The following DEPTOR variants were observed in gnomAD, a reference collection of about 807,000 sequenced individuals.
DEPTOR encodes the protein DEP domain-containing mTOR-interacting protein.
DEPTOR carries 41 observed loss-of-function variants against 41.6 expected under a neutral mutation model. That is an observed-to-expected ratio of 0.98 (90% confidence interval 0.77 to 1.28). The LOEUF is 1.28. Ranked by LOEUF, DEPTOR falls within the 50% of genes most tolerant of loss-of-function variation. The probability of loss-of-function intolerance (pLI) is 0.00; values close to 1 mark genes in which losing one functional copy is unlikely to be tolerated. For missense variants in DEPTOR, 514 were observed against 527.9 expected (o/e 0.97, Z 0.26); for synonymous variants, 195 against 192.3 (o/e 1.01, Z -0.12).
chr8:119,984,166 T>C (rs945157191), intron 4 of DEPTOR, among the ~76,000 whole-genome samples: 2 of 152,142 alleles, frequency 1.3e-5, no homozygotes, highest in Admixed American at 1.3e-4. Flanking sequence ...TGGAAAGATA[T>C]CCTTTTGGCC....
intron 3 of DEPTOR, among the ~76,000 whole-genome samples, chr8:119,935,785 A>G (rs1009974627): frequency 6.6e-6 from 1 of 152,054 alleles, no homozygotes; most frequent in Non-Finnish European, 1.5e-5. Context: ...AGTCCTCTGT[A>G]TAGTAACAAA....
chr8:119,923,585 C>T (rs1255608590), intron 1 of DEPTOR, among the ~76,000 whole-genome samples: 1 of 152,066 alleles, frequency 6.6e-6, no homozygotes, highest in African/African-American at 2.4e-5. Context: ...AGTATTTTTT[C>T]AATAAGAATT....
intron 4 of DEPTOR, among the ~76,000 whole-genome samples, chr8:119,973,100 C>T (rs1442461943): frequency 5.9e-5 from 9 of 151,910 alleles, no homozygotes; most frequent in African/African-American, 9.7e-5. Flanking sequence ...CCACCACACC[C>T]GGCTAATTTT....
chr8:119,910,791 G>C (rs1038309032), intron 1 of DEPTOR, among the ~76,000 whole-genome samples: 2 of 152,238 alleles, frequency 1.3e-5, no homozygotes, highest in African/African-American at 4.8e-5. Flanking sequence ...ATAAATCACA[G>C]TACCAAGTGT....
intron 8 of DEPTOR, among the ~76,000 whole-genome samples, chr8:120,048,338 G>A (rs1478872689): frequency 1.3e-5 from 2 of 152,222 alleles, no homozygotes; most frequent in Non-Finnish European, 2.9e-5. Context: ...AGCCCAGGCT[G>A]ATGCCTGCTA....
At chr8:120,041,162 T>C (rs2130198380) in intron 8 of DEPTOR, among the ~76,000 whole-genome samples, 1 of 152,300 alleles carries the variant, frequency 6.6e-6, no homozygotes, top group East Asian at 1.9e-4. Flanking sequence ...GGATGCAAAT[T>C]TCTTGGTGAA....
At chr8:119,931,873 A>G (rs1464643167) in intron 3 of DEPTOR, among the ~76,000 whole-genome samples, 1 of 151,928 alleles carries the variant, frequency 6.6e-6, no homozygotes, top group Non-Finnish European at 1.5e-5. Flanking sequence ...CAATGATTCT[A>G]TGTTGGCCAA....
intron 4 of DEPTOR, among the ~76,000 whole-genome samples, chr8:119,975,201 A>T (rs985132614): frequency 2.6e-4 from 39 of 152,120 alleles, no homozygotes; most frequent in African/African-American, 9.2e-4. Flanking sequence ...TACATTTTTG[A>T]AAGGACAACT....
Position 120,048,527 on chromosome 8 carries a change from A to G in DEPTOR, c.1102-1049A>G, listed in dbSNP as rs533015456. Among the ~76,000 whole-genome samples the G allele has an allele frequency of 5.3e-5, 8 of 152,304 alleles. No homozygotes were observed. The South Asian group carries it at 1.7e-3, about 32-fold the overall frequency. On this transcript the variant is annotated intron_variant, in intron 8 of 8. Coordinates refer to ENST00000286234, the MANE Select transcript of DEPTOR (RefSeq NM_022783.4). Reference sequence around the variant, plus strand: ...CAAATTTGTGGAACCAAGAAAAGAGAAACAGTAATAGTGTGATCTTATGTG... The same window carrying G: ...CAAATTTGTGGAACCAAGAAAAGAGGAACAGTAATAGTGTGATCTTATGTG...
At chr8:119,973,928 G>A (rs138146155) in intron 4 of DEPTOR, among the ~76,000 whole-genome samples, 9 of 152,252 alleles carry the variant, frequency 5.9e-5, no homozygotes, top group African/African-American at 1.2e-4. Context: ...CATTTGCTCT[G>A]CTGGCCATGA....
At chr8:119,995,597 A>C (rs1812248367) in intron 4 of DEPTOR, among the ~76,000 whole-genome samples, 1 of 152,030 alleles carries the variant, frequency 6.6e-6, no homozygotes, top group Admixed American at 6.6e-5. Flanking sequence ...TCAAAAAAAA[A>C]AAAAAGAAAA....
At chr8:119,901,931 CT>C (rs372711325) in intron 1 of DEPTOR, among the ~76,000 whole-genome samples, 36 of 151,034 alleles carry the variant, frequency 2.4e-4, no homozygotes, top group African/African-American at 7.8e-4. Context: ...CCTTTTTAAA[CT>C]TTTTTTTTCA....
chr8:119,928,701 A>C (rs994291619), intron 2 of DEPTOR, 123 bp downstream of exon 2: 3 of 813,630 alleles, frequency 3.7e-6, no homozygotes, highest in Non-Finnish European at 5.1e-6. Context: ...CCTCTCCCTG[A>C]TTGCATTTTC....
rs550801796 is a variant in DEPTOR, at chr8:119,934,558, A to G, written c.425+4620A>G. 2.0e-5 allele frequency among the ~76,000 whole-genome samples: 3 copies of G among 152,290 alleles called. No individual in the cohort carries two copies. The South Asian group carries it at 6.2e-4, about 32-fold the overall frequency. On this transcript the variant is annotated intron_variant, in intron 3 of 8. Transcript: ENST00000286234. ...GTGATCTGCAGTCTACCGTGGAGAT[A>G]AGGCTGGGACCCACTGCTGGAAAAG... is the stretch of plus-strand genomic sequence containing the variant.
chr8:119,882,071 A>G (rs1037014364), intron 1 of DEPTOR, among the ~76,000 whole-genome samples: 3 of 151,994 alleles, frequency 2.0e-5, no homozygotes, highest in Non-Finnish European at 2.9e-5. Flanking sequence ...TTTAATTTTT[A>G]GTAGAGATGA....
chr8:120,000,936 G>A (rs528940654), intron 4 of DEPTOR, among the ~76,000 whole-genome samples: 6 of 152,010 alleles, frequency 3.9e-5, no homozygotes, highest in African/African-American at 1.2e-4. Flanking sequence ...AATTAGCCAG[G>A]TGTGGTGGTG....
In DEPTOR at chr8:120,025,034, A is replaced by T. The variant is rs554582829; in HGVS notation, c.1101+15901A>T. 7.9e-5 allele frequency among the ~76,000 whole-genome samples: 12 copies of T among 152,302 alleles called. No individual in the cohort carries two copies. The South Asian group carries it at 1.0e-3, about 13-fold the overall frequency. ...TAGTACACTGTGGCAGGTACTGAGG[A>T]TCCAGTTGTGAGCAAAGCCAGTGAG... On this transcript the variant is annotated intron_variant, in intron 8 of 8. Transcript: ENST00000286234.
chr8:119,893,273 C>T (rs962288296), intron 1 of DEPTOR, among the ~76,000 whole-genome samples: 5 of 152,288 alleles, frequency 3.3e-5, no homozygotes, highest in African/African-American at 1.2e-4. Flanking sequence ...TCTTCCTCTG[C>T]TTTGGGTGGT....
At chr8:119,953,029 A>G (rs763217706) in intron 3 of DEPTOR, among the ~76,000 whole-genome samples, 5 of 152,208 alleles carry the variant, frequency 3.3e-5, no homozygotes, top group Admixed American at 6.6e-5. Flanking sequence ...TAGCTATGTA[A>G]CATGTGCTCT....
Sources: gnomAD v4.1 joint callset for allele counts (sites outside exome capture counted in the v4.1 genomes callset) on GRCh38, gnomAD v4.1.1 for gene constraint, MANE v1.5 for transcripts, NCBI Gene and HGNC (gene_info 2026-07-23, HGNC 2026-07-21) for gene names.